CKB: variants seen among roughly 807,000 people sequenced by gnomAD.
CKB encodes the protein creatine kinase B-type.
CKB carries 15 observed loss-of-function variants against 36.9 expected under a neutral mutation model. The observed-to-expected ratio is 0.41, with a 90% confidence interval of 0.27 to 0.63. The LOEUF is 0.63. CKB is among the 20% of genes least tolerant of loss of function. The pLI is 0.34. For missense variants in CKB, 413 were observed against 534.9 expected, an observed-to-expected ratio of 0.77 and a Z score of 2.25; for synonymous variants, 250 against 228.2, an observed-to-expected ratio of 1.10 and a Z score of -0.86.
chr14:103,520,966 G>A (rs2075895878), intron 5 of CKB: 1 of 567,700 alleles, frequency 1.8e-6, no homozygotes, highest in Non-Finnish European at 3.1e-6. Context: ...TCCCAGGGCC[G>A]TCGGGGAGAG....
intron 5 of CKB, chr14:103,521,033 C>T (rs1165536384): frequency 4.4e-6 from 3 of 675,902 alleles, no homozygotes; most frequent in East Asian, 5.5e-5. Flanking sequence ...GTTGCTGAGT[C>T]CTGAGCCCCC....
Position 103,520,265 on chromosome 14 carries a change from G to A in CKB, c.824C>T (p.Pro275Leu). ...GCAGGTGAGGATGTAGCCCAGGTGA[G>A]GGTTCCACATGAACTCATAGTCCTT... The part of the protein sequence containing the change: ...KSKDYEFMWN[P>L]HLGYILTCPS... Residue 275 changes from proline (P) to leucine (L), a missense_variant, in exon 7 of 8, where the codon CCT (proline) becomes CTT (leucine). This residue lies in a region of CKB where 314 missense variants were observed against 409.4 expected (regional missense o/e 0.77). Transcript: ENST00000348956. 4 of 1,613,508 alleles carry A rather than the reference G, an allele frequency of 2.5e-6. No homozygotes were observed. The highest frequency in any genetic ancestry group is 3.4e-6 in the Non-Finnish European group (4 of 1,179,952).
rs754012287 is a variant in CKB at position 103,521,348 on chromosome 14, C to T, written c.568G>A (p.Asp190Asn). 13 of 1,609,854 alleles carry T rather than the reference C, an allele frequency of 8.1e-6. No individual in the cohort carries two copies. In the Admixed American group the frequency reaches 2.0e-4, roughly 25 times the overall value. Residue 190 changes from aspartate to asparagine, a missense_variant, in exon 5 of 8, where the codon GAC (aspartate) becomes AAC (asparagine). This residue lies in a region of CKB where 314 missense variants were observed against 409.4 expected (regional missense o/e 0.77). Transcript: ENST00000348956. Reference protein sequence around the residue: ...TEAEQQQLIDDHFLFDKPVSP... With the variant: ...TEAEQQQLIDNHFLFDKPVSP... ...ACGGGCTTGTCGAAGAGGAAGTGGT[C>T]GTCGATGAGCTGCTGCTGCTCCGCC... is the stretch of plus-strand genomic sequence containing the variant.
chr14:103,520,408 T>C, intron 6 of CKB, 61 bp downstream of exon 6: 1 of 1,588,820 alleles, frequency 6.3e-7, no homozygotes, highest in Non-Finnish European at 8.6e-7. Flanking sequence ...GGGGGACTGA[T>C]GCTGGGGCAC....
chr14:103,520,891 C>G (rs1292656460), intron 5 of CKB, among the ~76,000 whole-genome samples: 1 of 152,134 alleles, frequency 6.6e-6, no homozygotes, highest in Non-Finnish European at 1.5e-5. Flanking sequence ...GAAGCTTTGG[C>G]GTCACCAGCC....
Position 103,519,970 on chromosome 14 carries a change from ACCTCTGAGAAG to A in CKB, c.1029_1039del (p.Phe344GlyfsTer69), listed in dbSNP as rs1411624718. On this transcript the variant is annotated frameshift_variant, in exon 8 of 8. Transcript: ENST00000348956. LOFTEE classifies it high-confidence loss of function. ...GTCCACCACCATCTGCACCAGCTCC[ACCTCTGAGAAG>A]CCCAGGCGGTCAGCGTTGGAGACGT... 1 of 1,610,968 alleles carries A rather than the reference ACCTCTGAGAAG, an allele frequency of 6.2e-7. No homozygotes were observed. Among genetic ancestry groups the A allele is most frequent in the Non-Finnish European group, 8.5e-7 (1 of 1,179,990 alleles).
intron 6 of CKB, 40 bp downstream of exon 6, chr14:103,520,429 G>A: frequency 6.3e-7 from 1 of 1,592,404 alleles, no homozygotes. Context: ...CCACATCCCT[G>A]CTGGGGCCCT....
chr14:103,521,245 G>A lies in CKB; in HGVS notation c.653+18C>T. On this transcript the variant is annotated intron_variant, in intron 5 of 7. Coordinates refer to ENST00000348956, the MANE Select transcript of CKB (RefSeq NM_001823.5). ...CGGGGAGGGAGGACGCCGCGAGAGG[G>A]CGCAGAGGGACACGCACCAGATACC... 6.3e-7 allele frequency: 1 copy of A among 1,575,242 alleles called. No homozygotes were observed. The highest frequency in any genetic ancestry group is 8.6e-7 in the Non-Finnish European group (1 of 1,165,694).
intron 5 of CKB, 145 bp from the exon 6 acceptor site, chr14:103,520,737 G>GGGCA: frequency 8.5e-7 from 1 of 1,178,752 alleles, no homozygotes; most frequent in Non-Finnish European, 1.2e-6. Context: ...CGCCAACACG[G>GGGCA]GGCGGGCGGG....
chr14:103,520,814 G>A, intron 5 of CKB: 3 of 623,698 alleles, frequency 4.8e-6, no homozygotes, highest in South Asian at 4.0e-5. Flanking sequence ...GAGGTGGGGC[G>A]GGGCCAGGGA....
Position 103,520,739 on chromosome 14 carries a change from G to A in CKB, c.654-147C>T, listed in dbSNP as rs536441159. On this transcript the variant is annotated intron_variant, in intron 5 of 7. Coordinates refer to ENST00000348956, the MANE Select transcript of CKB (RefSeq NM_001823.5). ...CCAAGACTCCACCCGCCAACACGGGGCGGGCGGGGGAACCGGGACGCCTCA... is the reference window on the plus strand; with the variant it reads ...CCAAGACTCCACCCGCCAACACGGGACGGGCGGGGGAACCGGGACGCCTCA... 5.1e-6 allele frequency: 6 copies of A among 1,187,952 alleles called. No homozygotes were observed. In the Admixed American group the frequency reaches 8.6e-5, roughly 17 times the overall value. 73.6% of individuals were successfully genotyped at this position (1,187,952 alleles called of 1,614,324 possible).
intron 5 of CKB, 192 bp downstream of exon 5, chr14:103,521,071 A>C (rs1351845774): frequency 1.3e-6 from 1 of 755,802 alleles, no homozygotes; most frequent in Non-Finnish European, 2.3e-6. Flanking sequence ...CCCTTAACGC[A>C]CCTGCTCGGC....
chr14:103,521,091 C>CGGCGCAGGAGGA, intron 5 of CKB, 172 bp downstream of exon 5: 1 of 850,956 alleles, frequency 1.2e-6, no homozygotes, highest in South Asian at 1.4e-5. Context: ...CCAAGGTCAC[C>CGGCGCAGGAGGA]GGCGCAGGAG....
chr14:103,520,528 T>C lies in CKB; in HGVS notation c.718A>G (p.Met240Val). The C allele has an allele frequency of 6.2e-7, 1 of 1,612,334 alleles. No homozygotes were observed. The highest frequency in any genetic ancestry group is 8.5e-7 in the Non-Finnish European group (1 of 1,179,364). The part of the protein sequence containing the change: ...NEEDHLRVIS[M>V]QKGGNMKEVF... ...TCCTTCATGTTGCCCCCCTTCTGCA[T>C]GGAGATGACCCGCAGGTGGTCCTCC... Residue 240 changes from methionine (M) to valine (V), a missense_variant, in exon 6 of 8, where the codon ATG becomes GTG. Physicochemically the swap from Met to Val is conservative, Grantham distance 21. Around this residue, in one of 3 missense-constraint regions of CKB, gnomAD observed 314 missense variants for 409.4 expected, o/e 0.77. Coordinates refer to ENST00000348956, the MANE Select transcript of CKB (RefSeq NM_001823.5).
At position 103,521,550 on chromosome 14, in the gene CKB, G is replaced by A. The variant is rs2075901369; in HGVS notation, c.482-116C>T. The A allele has an allele frequency of 7.4e-6, 8 of 1,082,904 alleles. 1 individual carries two copies. In the South Asian group the frequency reaches 1.2e-4, roughly 16 times the overall value. The allele number at this position is 1,082,904 out of a possible 1,614,324, so 67.1% of individuals were successfully genotyped here. ...GGACGTCAGAGGGCCCCACCCGCCC[G>A]GATCTGCGGGCGTCCAGTCCTCACG... is the stretch of plus-strand genomic sequence containing the variant. On this transcript the variant is annotated intron_variant, in intron 4 of 7. Coordinates refer to ENST00000348956, the MANE Select transcript of CKB (RefSeq NM_001823.5).
Position 103,521,867 on chromosome 14 carries a change from CG to C in CKB, c.431del (p.Pro144ArgfsTer36), listed in dbSNP as rs749928387. On this transcript the variant is annotated frameshift_variant, in exon 4 of 8. Transcript: ENST00000348956. LOFTEE classifies it high-confidence loss of function. ...GRSIRGFCLP[P>X]HCSRGERRAI... ...CGCGGCGCTCCCCGCGGCTGCAGTG[CG>C]GGGGGAGGCAGAAGCCACGGATGCT... 1.9e-6 allele frequency: 3 copies of C among 1,554,112 alleles called. No homozygotes were observed. The highest frequency in any genetic ancestry group is 1.2e-5 in the South Asian group (1 of 85,098).
At chr14:103,521,551 G>A in intron 4 of CKB, 117 bp from the exon 5 acceptor site, 1 of 1,073,638 alleles carries the variant, frequency 9.3e-7, no homozygotes, top group Non-Finnish European at 1.2e-6. Flanking sequence ...CACCCGCCCG[G>A]ATCTGCGGGC....
chr14:103,522,643 G>A lies in CKB; in HGVS notation c.-13+123C>T, dbSNP rs1423200824. The A allele has an allele frequency of 7.2e-6, 3 of 419,140 alleles. No individual in the cohort carries two copies. Among genetic ancestry groups the A allele is most frequent in the Non-Finnish European group, 1.1e-5 (3 of 277,000 alleles). The allele number at this position is 419,140 out of a possible 1,614,324, so 26.0% of individuals were successfully genotyped here. A position where few individuals can be genotyped will look rare whatever the true frequency, so the allele number is the denominator to read the frequency against. On this transcript the variant is annotated intron_variant, in intron 1 of 7. Transcript: ENST00000348956. This position sits in a 1 kb window ranked among gnomAD's most constrained non-coding sequence, Gnocchi z 6.7. ...GGTCAGCGGGGTCCGCAGCGCGCGC[G>A]GGGAGCGCCATCATCGCCGGGGACC...
In CKB at chr14:103,521,377, G is replaced by A. The variant is rs1595995342; in HGVS notation, c.539C>T (p.Thr180Met). ...AGRYYALKSM[T>M]EAEQQQLIDD... The stretch of plus-strand genomic sequence containing the variant: ...GATGAGCTGCTGCTGCTCCGCCTCC[G>A]TCATGCTCTTGAGCGCGTAGTATCG... The change falls in exon 5 of 8, where the codon ACG (threonine) becomes ATG (methionine). Residue 180 changes from threonine (T) to methionine (M), a missense_variant. Physicochemically the swap from Thr to Met is moderately conservative, Grantham distance 81. Around this residue, in one of 3 missense-constraint regions of CKB, gnomAD observed 314 missense variants for 409.4 expected, o/e 0.77. Coordinates refer to ENST00000348956, the MANE Select transcript of CKB (RefSeq NM_001823.5). 2 of 1,609,412 alleles carry A rather than the reference G, an allele frequency of 1.2e-6. No homozygotes were observed. The highest frequency in any genetic ancestry group is 1.7e-6 in the Non-Finnish European group (2 of 1,179,398).
Sources: gnomAD v4.1 joint callset for allele counts (sites outside exome capture counted in the v4.1 genomes callset) on GRCh38, gnomAD v4.1.1 for gene constraint, gnomAD v4.1.1 regional missense constraint, Gnocchi (gnomAD v3.1) non-coding constraint, MANE v1.5 for transcripts, NCBI Gene and HGNC (gene_info 2026-07-23, HGNC 2026-07-21) for gene names.